Variants in CUX1 observed in about 807,000 individuals in gnomAD.
The protein encoded by CUX1 is cut like homeobox 1.
In CUX1, 31 loss-of-function variants were observed where a neutral mutation model predicts 158.8. The ratio of observed to expected loss-of-function variants is 0.20; its 90% CI spans 0.15 to 0.26. CUX1 has a LOEUF of 0.26. CUX1 is among the 10% of genes least tolerant of loss of function. CUX1 has a pLI of 1.00. For missense variants in CUX1, 1,589 were observed against 2,014.6 expected, an observed-to-expected ratio of 0.79 and a Z score of 4.04; for synonymous variants, 879 against 862.1, an observed-to-expected ratio of 1.02 and a Z score of -0.34.
At chr7:102,207,981 A>T (rs1025032514) in intron 20 of CUX1, among the ~76,000 whole-genome samples, 1 of 152,032 alleles carries the variant, frequency 6.6e-6, no homozygotes, top group Non-Finnish European at 1.5e-5. Flanking sequence ...TGAACTTAGG[A>T]GTTCGAGACC....
At chr7:102,037,134 G>T (rs1821527967) in intron 3 of CUX1, among the ~76,000 whole-genome samples, 1 of 152,226 alleles carries the variant, frequency 6.6e-6, no homozygotes, top group Non-Finnish European at 1.5e-5. Flanking sequence ...GGAGACTTCA[G>T]TGAGCTGTTG....
chr7:102,278,672 T>TATAAA (rs1201404859), intron 18 of CUX1, among the ~76,000 whole-genome samples: 5 of 119,038 alleles, frequency 4.2e-5, no homozygotes, highest in African/African-American at 1.0e-4. Context: ...TAAAATAAAA[T>TATAAA]ATAAAATAAA....
At chr7:102,221,556 A>C (rs385417) in intron 20 of CUX1, among the ~76,000 whole-genome samples, 87,331 of 151,000 alleles carry the variant, frequency 0.58, 26,350 homozygotes, top group East Asian at 0.93. Context: ...CGGGTTTTCA[A>C]TTGGCTCCCA....
intron 12 of CUX1, among the ~76,000 whole-genome samples, 178 bp downstream of exon 12, chr7:102,190,049 C>T (rs1048852154): frequency 2.0e-5 from 3 of 152,264 alleles, no homozygotes; most frequent in East Asian, 1.9e-4. Flanking sequence ...CCACTGTGGG[C>T]GTTTGCCCTT....
At chr7:102,283,302 A>T (rs968763069) in exon 23 of CUX1, 1 of 537,200 alleles carries the variant, frequency 1.9e-6, no homozygotes, top group African/African-American at 1.9e-5. Flanking sequence ...CGAGCCCCCA[A>T]TGCCCGGCCA....
At chr7:101,827,653 C>T (rs1327080170) in intron 1 of CUX1, among the ~76,000 whole-genome samples, 6 of 152,038 alleles carry the variant, frequency 3.9e-5, no homozygotes, top group Admixed American at 1.3e-4. Context: ...AATAGCCTAC[C>T]GCTGATGGGA....
At chr7:101,936,825 A>G (rs1563032619) in intron 2 of CUX1, among the ~76,000 whole-genome samples, 1 of 152,200 alleles carries the variant, frequency 6.6e-6, no homozygotes, top group African/African-American at 2.4e-5. Context: ...TCTCAGAACC[A>G]TAATGGTTAA....
intron 11 of CUX1, among the ~76,000 whole-genome samples, chr7:102,181,983 G>A (rs1793135510): frequency 6.6e-6 from 1 of 152,204 alleles, no homozygotes; most frequent in Admixed American, 6.5e-5. Context: ...CGCAGTCTTG[G>A]CTACTCAAAG....
intron 3 of CUX1, among the ~76,000 whole-genome samples, chr7:102,065,560 T>C (rs1825452155): frequency 6.6e-6 from 1 of 152,200 alleles, no homozygotes; most frequent in African/African-American, 2.4e-5. Context: ...TTTTAAGTCA[T>C]CTCTTTTAAG....
intron 21 of CUX1, among the ~76,000 whole-genome samples, chr7:102,229,540 G>A (rs1183714665): frequency 6.7e-6 from 1 of 150,066 alleles, no homozygotes; most frequent in East Asian, 2.0e-4. Context: ...TCGAACTCCT[G>A]ACCTCAAGTG....
At chr7:101,935,505 C>T (rs969671609) in intron 2 of CUX1, among the ~76,000 whole-genome samples, 3 of 152,242 alleles carry the variant, frequency 2.0e-5, no homozygotes, top group Non-Finnish European at 2.9e-5. Context: ...GTCCTGCCAT[C>T]GGACATGCTG....
intron 3 of CUX1, among the ~76,000 whole-genome samples, chr7:102,055,803 T>G (rs1165757287): frequency 6.6e-6 from 1 of 152,178 alleles, no homozygotes; most frequent in Non-Finnish European, 1.5e-5. Context: ...TGAGGTAGGT[T>G]AAAAGCTGGA....
chr7:102,074,635 C>T (rs528109137), intron 4 of CUX1, among the ~76,000 whole-genome samples: 1 of 152,334 alleles, frequency 6.6e-6, no homozygotes, highest in African/African-American at 2.4e-5. Context: ...CCACTGAGTC[C>T]TCAGCAGCGG....
In CUX1 at chr7:102,272,112, C is replaced by A. The variant is rs149266768; in HGVS notation, c.1256-1254C>A. On this transcript the variant is annotated intron_variant, in intron 14 of 22. Coordinates refer to the CUX1 transcript ENST00000292538. Reference sequence around the variant, plus strand: ...GCTTAGACAGAGCTGGGGGTGGATGCCTTGGGTTTGGTCCCAGGTCGGGAA... The same window carrying A: ...GCTTAGACAGAGCTGGGGGTGGATGACTTGGGTTTGGTCCCAGGTCGGGAA... 1.3e-3 allele frequency among the ~76,000 whole-genome samples: 193 copies of A among 152,340 alleles called. 1 individual carries two copies. The highest frequency in any genetic ancestry group is 4.3e-3 in the African/African-American group (180 of 41,580).
At chr7:101,943,255 C>T (rs898484707) in intron 2 of CUX1, among the ~76,000 whole-genome samples, 7 of 151,670 alleles carry the variant, frequency 4.6e-5, no homozygotes, top group African/African-American at 1.5e-4. Flanking sequence ...TACAGGTGCC[C>T]GCCACCATGC....
chr7:101,986,487 A>G (rs546167224), intron 2 of CUX1, among the ~76,000 whole-genome samples: 2 of 152,346 alleles, frequency 1.3e-5, no homozygotes, highest in East Asian at 1.9e-4. Context: ...CTGAATGCCT[A>G]TTACAGGCGG....
chr7:102,024,857 C>T (rs1204489820), intron 2 of CUX1, among the ~76,000 whole-genome samples: 1 of 152,170 alleles, frequency 6.6e-6, no homozygotes, highest in Non-Finnish European at 1.5e-5. Context: ...GTGTTAGCTT[C>T]CTGTTGCTGC....
At chr7:102,017,629 T>A (rs958672713) in intron 2 of CUX1, among the ~76,000 whole-genome samples, 11 of 152,194 alleles carry the variant, frequency 7.2e-5, no homozygotes, top group African/African-American at 2.7e-4. Flanking sequence ...GTGGATCACC[T>A]GAGGTCAGGA....
At chr7:102,245,028 G>T (rs1013928422) in intron 23 of CUX1, among the ~76,000 whole-genome samples, 1 of 152,152 alleles carries the variant, frequency 6.6e-6, no homozygotes, top group Admixed American at 6.6e-5. Context: ...TTGTTTGTTT[G>T]TTTTCTGATT....
Sources: gnomAD v4.1 joint callset for allele counts (sites outside exome capture counted in the v4.1 genomes callset) on GRCh38, gnomAD v4.1.1 for gene constraint, MANE v1.5 for transcripts, NCBI Gene and HGNC (gene_info 2026-07-23, HGNC 2026-07-21) for gene names.